The following GRAMD1C variants were observed in gnomAD, a reference collection of about 807,000 sequenced individuals.
GRAMD1C encodes the protein protein Aster-C.
In GRAMD1C, 89 loss-of-function variants were observed where a neutral mutation model predicts 97.8. The observed-to-expected ratio is 0.91, with a 90% CI of 0.77 to 1.09. GRAMD1C has a LOEUF of 1.09. Among genes scored for constraint, GRAMD1C ranks in the 50% least tolerant of loss-of-function variants. The pLI is 0.00. For missense variants in GRAMD1C, 740 were observed against 766.4 expected (o/e 0.97, Z 0.41); for synonymous variants, 256 against 267.0 (o/e 0.96, Z 0.40).
At chr3:113,831,256 T>A (rs150814332) in intron 1 of GRAMD1C, among the ~76,000 whole-genome samples, 1 of 152,360 alleles carries the variant, frequency 6.6e-6, no homozygotes, top group East Asian at 1.9e-4. Context: ...AGTTGCTATA[T>A]ATCTTTAGTG....
rs1441515869 is a variant in GRAMD1C at position 113,886,939 on chromosome 3, G to A, written c.540+4107G>A. ...TGGGATTATAGGCATGCGCCACCAC[G>A]CCCAGCTAATTTTTGTATTTTTAGT... On this transcript the variant is annotated intron_variant, in intron 6 of 17. Transcript: ENST00000358160. Among the ~76,000 whole-genome samples the A allele has an allele frequency of 1.8e-4, 27 of 150,798 alleles. No individual in the cohort carries two copies. The East Asian group carries it at 3.7e-3, about 21-fold the overall frequency.
chr3:113,885,285 C>G (rs1935428074), intron 6 of GRAMD1C: 1 of 1,461,120 alleles, frequency 6.8e-7, no homozygotes, highest in Non-Finnish European at 9.5e-7. Context: ...CCGGCGGTGC[C>G]GGGGTCATCC....
Position 113,838,800 on chromosome 3 carries a change from G to C in GRAMD1C, c.-110G>C. 1.3e-6 allele frequency: 1 copy of C among 747,094 alleles called. No individual in the cohort carries two copies. The highest frequency in any genetic ancestry group is 1.8e-6 in the Non-Finnish European group (1 of 549,398). 46.3% of individuals were successfully genotyped at this position (747,094 alleles called of 1,614,324 possible). On this transcript the variant is annotated 5_prime_UTR_variant, in exon 1 of 18. Transcript: ENST00000358160. Reference sequence around the variant, plus strand: ...TGCGGCTGGAAGTACTCGGAGGGCCGGCGGAGGAGGCGCGCGGAGCCTGTA... The same window carrying C: ...TGCGGCTGGAAGTACTCGGAGGGCCCGCGGAGGAGGCGCGCGGAGCCTGTA...
chr3:113,901,286 G>A, intron 7 of GRAMD1C, 140 bp downstream of exon 7: 1 of 583,600 alleles, frequency 1.7e-6, no homozygotes, highest in Non-Finnish European at 3.2e-6. Flanking sequence ...GTGGAATGGG[G>A]TGAAAGGTGG....
chr3:113,927,066 C>T (rs1220528586), intron 10 of GRAMD1C, among the ~76,000 whole-genome samples: 2 of 151,592 alleles, frequency 1.3e-5, no homozygotes, highest in Admixed American at 6.6e-5. Context: ...TGGTGGGAAC[C>T]CTTTGTTTTC....
At chr3:113,872,745 A>G (rs915713667) in intron 3 of GRAMD1C, among the ~76,000 whole-genome samples, 1 of 151,666 alleles carries the variant, frequency 6.6e-6, no homozygotes, top group Non-Finnish European at 1.5e-5. Context: ...ATTTATTACA[A>G]TAAAACATAT....
chr3:113,904,620 T>TTTC (rs1936294094), intron 8 of GRAMD1C, among the ~76,000 whole-genome samples: 1 of 151,588 alleles, frequency 6.6e-6, no homozygotes, highest in African/African-American at 2.4e-5. Context: ...GTTTTTTTTT[T>TTTC]TTTCTTTCTT....
chr3:113,931,176 G>A (rs1215832945), intron 11 of GRAMD1C, among the ~76,000 whole-genome samples: 1 of 152,126 alleles, frequency 6.6e-6, no homozygotes, highest in Non-Finnish European at 1.5e-5. Context: ...TATTATGGAT[G>A]ACATTATATT....
intron 9 of GRAMD1C, 123 bp from the exon 10 acceptor site, chr3:113,915,577 TA>T: frequency 1.5e-6 from 1 of 655,118 alleles, no homozygotes; most frequent in Non-Finnish European, 2.6e-6. Context: ...CTCCTCATTG[TA>T]ATCATATTTA....
intron 2 of GRAMD1C, among the ~76,000 whole-genome samples, chr3:113,857,616 T>C (rs746816224): frequency 4.6e-5 from 7 of 152,144 alleles, no homozygotes; most frequent in Non-Finnish European, 1.0e-4. Flanking sequence ...GACCTCGTGA[T>C]CCTCCCACCT....
intron 2 of GRAMD1C, among the ~76,000 whole-genome samples, chr3:113,853,803 C>T (rs547281162): frequency 2.6e-5 from 4 of 152,136 alleles, no homozygotes; most frequent in African/African-American, 9.6e-5. Flanking sequence ...GAGGGAGTAG[C>T]ATTTTTAGTT....
intron 5 of GRAMD1C, among the ~76,000 whole-genome samples, chr3:113,876,514 A>G (rs1379459400): frequency 6.6e-6 from 1 of 152,178 alleles, no homozygotes; most frequent in East Asian, 1.9e-4. Context: ...CATTAGCACA[A>G]TGTCCTTATT....
At position 113,908,962 on chromosome 3, in the gene GRAMD1C, T is replaced by C; in HGVS notation, c.794T>C (p.Leu265Ser). The change falls in exon 9 of 18, where the codon TTA (leucine) becomes TCA (serine). Residue 265 changes from leucine to serine, a missense_variant. Physicochemically the swap from Leu to Ser is moderately radical, Grantham distance 145 (BLOSUM62 -2). Coordinates refer to ENST00000358160, the MANE Select transcript of GRAMD1C (RefSeq NM_017577.5). The stretch of plus-strand genomic sequence containing the variant: ...ACTGGATTGTTTACCTTTTAGGGAT[T>C]AGGCAAAGAGGAGTCCCAAAATGAG... ...SFDGNSSKGG[L>S]GKEESQNEKQ... 1 of 1,556,858 alleles carries C rather than the reference T, an allele frequency of 6.4e-7. No homozygotes were observed. The highest frequency in any genetic ancestry group is 1.4e-5 in the African/African-American group (1 of 71,396).
Position 113,833,241 on chromosome 3 carries a change from A to G in GRAMD1C, n.98+4962A>G, listed in dbSNP as rs531637360. 4.0e-5 allele frequency among the ~76,000 whole-genome samples: 6 copies of G among 150,254 alleles called. No homozygotes were observed. In the East Asian group the frequency reaches 9.8e-4, roughly 25 times the overall value. Reference sequence around the variant, plus strand: ...CAACCTCTGCCTCCTGGGTTCAAGCAATTCTCCTGCCTCAGCCTCCCAAGT... The same window carrying G: ...CAACCTCTGCCTCCTGGGTTCAAGCGATTCTCCTGCCTCAGCCTCCCAAGT... On this transcript the variant is annotated intron_variant and non_coding_transcript_variant, in intron 1 of 18. Transcript: ENST00000479212.
chr3:113,838,532 T>G (rs912416829), upstream of GRAMD1C: 1 of 190,494 alleles, frequency 5.2e-6, no homozygotes, highest in Non-Finnish European at 1.1e-5. Context: ...GACGGGGCCT[T>G]GGCACTCCAT....
intron 6 of GRAMD1C, among the ~76,000 whole-genome samples, chr3:113,896,899 G>A (rs1040988108): frequency 6.6e-6 from 1 of 152,104 alleles, no homozygotes; most frequent in Non-Finnish European, 1.5e-5. Context: ...AAATAAATAG[G>A]AATTAGTAGA....
chr3:113,875,424 A>G (rs985984811), intron 3 of GRAMD1C, 60 bp from the exon 4 acceptor site: 12 of 774,814 alleles, frequency 1.5e-5, no homozygotes, highest in Middle Eastern at 2.3e-4. Flanking sequence ...AATATAGTAT[A>G]AGGTCTATTA....
chr3:113,844,580 A>G lies in GRAMD1C; in HGVS notation c.105A>G (p.Glu35=), dbSNP rs887481849. 8 of 1,604,834 alleles carry G rather than the reference A, an allele frequency of 5.0e-6. No individual in the cohort carries two copies. The highest frequency in any genetic ancestry group is 2.7e-5 in the African/African-American group (2 of 74,644). The change falls in exon 2 of 18, where the codon GAA becomes GAG. Residue 35 remains glutamate, a synonymous_variant. Transcript: ENST00000358160. The part of the protein sequence containing the change: ...DVEENPSPTV[E]ENNVVVKKQG... ...AGGAAAATCCTAGTCCAACTGTGGA[A>G]GAGAATAATGTGGTAGTTAAAAAAC... is the stretch of plus-strand genomic sequence containing the variant.
At chr3:113,911,754 G>C (rs1936603248) in intron 9 of GRAMD1C, among the ~76,000 whole-genome samples, 1 of 38,930 alleles carries the variant, frequency 2.6e-5, no homozygotes, top group Non-Finnish European at 6.2e-5. Flanking sequence ...TCCTGACAGA[G>C]TCTTGCTCTG....
Sources: gnomAD v4.1 joint callset for allele counts (sites outside exome capture counted in the v4.1 genomes callset) on GRCh38, gnomAD v4.1.1 for gene constraint, MANE v1.5 for transcripts, NCBI Gene and HGNC (gene_info 2026-07-23, HGNC 2026-07-21) for gene names.